The following TYR variants were observed in gnomAD, a reference collection of about 807,000 sequenced individuals.
TYR encodes the protein tyrosinase.
Under a neutral mutation model 51.5 loss-of-function variants are expected in TYR, and 58 were observed. The ratio of observed to expected loss-of-function variants is 1.13; its 90% confidence interval spans 0.91 to 1.40. The LOEUF (loss-of-function observed/expected upper bound fraction) is 1.40, where lower values mean the gene tolerates loss of function less well. Ranked by LOEUF, TYR falls within the 40% of genes most tolerant of loss-of-function variation. The pLI, the probability that TYR is intolerant of heterozygous loss-of-function variation, is 0.00. For missense variants in TYR, 732 were observed against 647.4 expected, an observed-to-expected ratio of 1.13 and a Z score of -1.42; for synonymous variants, 263 against 235.2, an observed-to-expected ratio of 1.12 and a Z score of -1.08.
chr11:89,185,886 T>C lies in TYR; in HGVS notation c.820-5316T>C, dbSNP rs144537377. 9.5e-3 allele frequency among the ~76,000 whole-genome samples: 1,443 copies of C among 152,348 alleles called. 15 individuals are homozygous for C. The highest frequency in any genetic ancestry group is 0.02 in the Middle Eastern group (6 of 294). Reference sequence around the variant, plus strand: ...GTAGTCACATATTTTTATCATAGTTTATTCTTCTGCCTCCATATAAATGAA... The same window carrying C: ...GTAGTCACATATTTTTATCATAGTTCATTCTTCTGCCTCCATATAAATGAA... On this transcript the variant is annotated intron_variant, in intron 1 of 4. Transcript: ENST00000263321.
In TYR at chr11:89,227,816, T is replaced by C. The variant is rs61754381; in HGVS notation, c.1037-7T>C. ...ACATATTTTTTTCATTTTTTTTTAA[T>C]GAACAGGATTTGCTAGTCCACTTAC... is the stretch of plus-strand genomic sequence containing the variant. On this transcript the variant is annotated splice_polypyrimidine_tract_variant and splice_region_variant and intron_variant, in intron 2 of 4. Transcript: ENST00000263321. 2.5e-6 allele frequency: 4 copies of C among 1,611,808 alleles called. No homozygotes were observed. The South Asian group carries it at 3.3e-5, about 13-fold the overall frequency.
chr11:89,258,853 T>C (rs1467155151), intron 3 of TYR, among the ~76,000 whole-genome samples: 1 of 151,998 alleles, frequency 6.6e-6, no homozygotes, highest in African/African-American at 2.4e-5. Flanking sequence ...AAAACACCAT[T>C]CCTTCAGAGC....
intron 4 of TYR, among the ~76,000 whole-genome samples, chr11:89,287,099 A>G (rs1046728950): frequency 3.3e-5 from 5 of 151,836 alleles, no homozygotes; most frequent in Admixed American, 2.6e-4. Context: ...TCATAGTTAC[A>G]TAGCATTTCT....
chr11:89,227,318 T>C (rs1370226980), intron 2 of TYR, among the ~76,000 whole-genome samples: 3 of 152,144 alleles, frequency 2.0e-5, no homozygotes, highest in Non-Finnish European at 4.4e-5. Flanking sequence ...TGAACTGATA[T>C]GAAAGATGTT....
chr11:89,271,092 T>C (rs1286946855), intron 3 of TYR, among the ~76,000 whole-genome samples: 1 of 151,878 alleles, frequency 6.6e-6, no homozygotes, highest in African/African-American at 2.4e-5. Flanking sequence ...AAAGAACCCC[T>C]ATGGAAGAAA....
At chr11:89,295,024 T>C in intron 4 of TYR, 119 bp from the exon 5 acceptor site, 1 of 1,495,338 alleles carries the variant, frequency 6.7e-7, no homozygotes, top group Non-Finnish European at 9.1e-7. Flanking sequence ...AGTTAATAAG[T>C]AGTAGAGCTG....
chr11:89,185,096 T>C (rs1386451452), intron 1 of TYR, among the ~76,000 whole-genome samples: 2 of 152,190 alleles, frequency 1.3e-5, no homozygotes, highest in Non-Finnish European at 2.9e-5. Flanking sequence ...ATTCTATACG[T>C]CTCGCCTACT....
chr11:89,238,002 AT>A (rs1467873037), intron 3 of TYR, among the ~76,000 whole-genome samples: 1 of 151,594 alleles, frequency 6.6e-6, no homozygotes, highest in Non-Finnish European at 1.5e-5. Context: ...TATCTGGCTA[AT>A]TTTTGTATTT....
Position 89,178,119 on chromosome 11 carries a change from C to T in TYR, c.166C>T (p.Gln56Ter). Reference protein sequence around the residue: ...CGQLSGRGSCQNILLSNAPLG... With the variant: ...CGQLSGRGSC ...CCAGCTTTCAGGCAGAGGTTCCTGT[C>T]AGAATATCCTTCTGTCCAATGCACC... Residue 56 changes from glutamine (Q) to a stop codon, truncating the protein, a stop_gained, in exon 1 of 5, where the codon CAG (glutamine) becomes TAG (stop). Transcript: ENST00000263321. LOFTEE classifies it high-confidence loss of function. 6.2e-7 allele frequency: 1 copy of T among 1,614,180 alleles called. No individual in the cohort carries two copies. The highest frequency in any genetic ancestry group is 8.5e-7 in the Non-Finnish European group (1 of 1,180,024).
chr11:89,222,691 A>T (rs2135278025), intron 2 of TYR, among the ~76,000 whole-genome samples: 1 of 152,250 alleles, frequency 6.6e-6, no homozygotes, highest in African/African-American at 2.4e-5. Context: ...GAAAGCTGAG[A>T]TCACACCACT....
chr11:89,203,851 ACTACT>A (rs1375330412), intron 2 of TYR, among the ~76,000 whole-genome samples: 1 of 152,186 alleles, frequency 6.6e-6, no homozygotes, highest in African/African-American at 2.4e-5. Context: ...TTAAACAGTA[ACTACT>A]CTATTTCATT....
At chr11:89,191,534 G>A (rs1016654140) in intron 2 of TYR, 116 bp downstream of exon 2, 12 of 967,630 alleles carry the variant, frequency 1.2e-5, no homozygotes, top group Admixed American at 7.6e-5. Context: ...CCAAGAATAT[G>A]TGTTGTATAT....
intron 3 of TYR, among the ~76,000 whole-genome samples, chr11:89,231,839 G>T (rs1416671885): frequency 7.1e-6 from 1 of 140,432 alleles, no homozygotes; most frequent in Non-Finnish European, 1.5e-5. Flanking sequence ...CAAAAATTTC[G>T]CCAGGCATGG....
intron 2 of TYR, among the ~76,000 whole-genome samples, chr11:89,227,217 C>T: frequency 6.6e-6 from 1 of 151,996 alleles, no homozygotes; most frequent in East Asian, 1.9e-4. Context: ...AAATTTTTCC[C>T]ATTATTACTG....
chr11:89,214,343 T>C (rs1477847868), intron 2 of TYR, among the ~76,000 whole-genome samples: 2 of 152,152 alleles, frequency 1.3e-5, no homozygotes, highest in Admixed American at 6.5e-5. Flanking sequence ...TACCATCTCA[T>C]GCCTGTTAGA....
At chr11:89,237,208 A>C (rs899555847) in intron 3 of TYR, among the ~76,000 whole-genome samples, 2 of 151,936 alleles carry the variant, frequency 1.3e-5, no homozygotes, top group African/African-American at 4.8e-5. Flanking sequence ...TTTTTGTTTA[A>C]TGTAATCCTG....
intron 3 of TYR, among the ~76,000 whole-genome samples, chr11:89,239,053 C>T (rs1454890810): frequency 5.9e-5 from 9 of 152,098 alleles, no homozygotes; most frequent in Admixed American, 4.6e-4. Flanking sequence ...TTTTGTCATA[C>T]TCTCCTAGTC....
intron 3 of TYR, among the ~76,000 whole-genome samples, chr11:89,252,883 A>T (rs1944347026): frequency 6.6e-6 from 1 of 151,754 alleles, no homozygotes; most frequent in Non-Finnish European, 1.5e-5. Context: ...TAATTATAGA[A>T]ACAGTCTCAT....
rs1213517646 is a variant in TYR, at chr11:89,285,082, T to C, written c.1366+128T>C. The C allele has an allele frequency of 5.2e-6, 4 of 772,260 alleles. No homozygotes were observed. The East Asian group carries it at 1.1e-4, about 21-fold the overall frequency. 47.8% of individuals were successfully genotyped at this position (772,260 alleles called of 1,614,324 possible). ...TTTAAATCCTGAAAGTGCATTATAA[T>C]CCTTAATTTATTACCAGTTTATTAT... On this transcript the variant is annotated intron_variant, in intron 4 of 4. Transcript: ENST00000263321.
Sources: gnomAD v4.1 joint callset for allele counts (sites outside exome capture counted in the v4.1 genomes callset) on GRCh38, gnomAD v4.1.1 for gene constraint, MANE v1.5 for transcripts, NCBI Gene and HGNC (gene_info 2026-07-23, HGNC 2026-07-21) for gene names.